The following CDK17 variants were observed in gnomAD, a reference collection of about 807,000 sequenced individuals.
CDK17 encodes cyclin-dependent kinase 17.
Under a neutral mutation model 77.6 loss-of-function variants are expected in CDK17, and 24 were observed. The ratio of observed to expected loss-of-function variants is 0.31; its 90% CI spans 0.22 to 0.44. CDK17 has a LOEUF of 0.44. CDK17 is among the 20% of genes least tolerant of loss of function. The probability of loss-of-function intolerance (pLI) is 1.00; values close to 1 mark genes in which losing one functional copy is unlikely to be tolerated. For synonymous variants in CDK17, 203 were observed against 210.4 expected, an observed-to-expected ratio of 0.96 and a Z score of 0.30; for missense variants, 429 against 622.5, an observed-to-expected ratio of 0.69 and a Z score of 3.31.
chr12:96,284,967 T>C (rs979678016), intron 13 of CDK17, among the ~76,000 whole-genome samples: 5 of 152,176 alleles, frequency 3.3e-5, no homozygotes, highest in African/African-American at 1.2e-4. Flanking sequence ...GTAACGTTTT[T>C]TTCCAAGTGC....
chr12:96,353,193 C>T (rs1205065176), intron 1 of CDK17, among the ~76,000 whole-genome samples: 1 of 152,184 alleles, frequency 6.6e-6, no homozygotes, highest in African/African-American at 2.4e-5. Flanking sequence ...CACATGAATT[C>T]CATCAGGCCA....
At chr12:96,322,219 T>G (rs557111883) in intron 3 of CDK17, among the ~76,000 whole-genome samples, 19 of 152,268 alleles carry the variant, frequency 1.2e-4, no homozygotes, top group African/African-American at 4.6e-4. Context: ...AAGAGGGATA[T>G]CTCTCTGCTG....
At position 96,363,679 on chromosome 12, in the gene CDK17, G is replaced by C. The variant is rs141274043; in HGVS notation, c.-29-28814C>G. ...TAGCTAACACAGTGAAAGCCTGTCT[G>C]TACTAAAAAAAATACAAAAAATTAG... On this transcript the variant is annotated intron_variant, in intron 1 of 16. Transcript: ENST00000261211. Among the ~76,000 whole-genome samples, 82 of 151,846 alleles carry C rather than the reference G, an allele frequency of 5.4e-4. No individual in the cohort carries two copies. The South Asian group carries it at 6.0e-3, about 11-fold the overall frequency.
At chr12:96,356,173 A>G (rs1953390245) in intron 1 of CDK17, among the ~76,000 whole-genome samples, 1 of 152,218 alleles carries the variant, frequency 6.6e-6, no homozygotes, top group Non-Finnish European at 1.5e-5. Flanking sequence ...CAAATGAGTG[A>G]AACTCCAGGA....
chr12:96,294,975 A>C, intron 10 of CDK17, 24 bp downstream of exon 10: 1 of 1,584,562 alleles, frequency 6.3e-7, no homozygotes, highest in South Asian at 1.2e-5. Context: ...GGAAGTACTA[A>C]TAAATATCTC....
Position 96,349,312 on chromosome 12 carries a change from G to A in CDK17, c.-29-14447C>T, listed in dbSNP as rs1248111282. Among the ~76,000 whole-genome samples, 3 of 152,058 alleles carry A rather than the reference G, an allele frequency of 2.0e-5. No individual in the cohort carries two copies. In the East Asian group the frequency reaches 5.8e-4, roughly 29 times the overall value. ...CTACTAAAAATACAAAATTAGCCGG[G>A]CATGGTGGCGCATGCCTGTAATCCC... On this transcript the variant is annotated intron_variant, in intron 1 of 16. Transcript: ENST00000261211.
intron 1 of CDK17, among the ~76,000 whole-genome samples, chr12:96,375,886 G>A (rs1164898716): frequency 3.9e-5 from 6 of 152,094 alleles, no homozygotes; most frequent in African/African-American, 1.2e-4. Flanking sequence ...GGGCATGTCT[G>A]ACACCTAATT....
chr12:96,289,059 C>A, intron 11 of CDK17, 108 bp downstream of exon 11: 1 of 1,175,440 alleles, frequency 8.5e-7, no homozygotes, highest in South Asian at 1.4e-5. Context: ...TACATTATGG[C>A]TCTTTAAAAT....
chr12:96,382,199 G>C (rs1953895850), intron 1 of CDK17, among the ~76,000 whole-genome samples: 1 of 151,818 alleles, frequency 6.6e-6, no homozygotes, highest in Admixed American at 6.6e-5. Context: ...AAATACAAAA[G>C]ATATTCAGCC....
intron 1 of CDK17, among the ~76,000 whole-genome samples, chr12:96,392,887 C>T (rs1193936376): frequency 6.6e-6 from 1 of 152,178 alleles, no homozygotes; most frequent in Admixed American, 6.5e-5. Context: ...ACTCAGACAA[C>T]CAACATTGCT....
At chr12:96,291,481 A>G (rs1952323930) in intron 10 of CDK17, among the ~76,000 whole-genome samples, 1 of 152,052 alleles carries the variant, frequency 6.6e-6, no homozygotes, top group African/African-American at 2.4e-5. Context: ...TTATAGAGGC[A>G]GGTTTTTGCC....
Position 96,278,933 on chromosome 12 carries a change from T to C in CDK17, c.*1309A>G, listed in dbSNP as rs1412129018. Reference sequence around the variant, plus strand: ...TACAAGATTTCCTGAACAGAAATGGTAGGACCCCTGAATGTTTTACAGTGA... The same window carrying C: ...TACAAGATTTCCTGAACAGAAATGGCAGGACCCCTGAATGTTTTACAGTGA... On this transcript the variant is annotated 3_prime_UTR_variant, in exon 17 of 17. Transcript: ENST00000261211. 1 of 152,552 alleles carries C rather than the reference T, an allele frequency of 6.6e-6. No homozygotes were observed. The highest frequency in any genetic ancestry group is 1.5e-5 in the Non-Finnish European group (1 of 67,988). 9.4% of individuals were successfully genotyped at this position (152,552 alleles called of 1,614,324 possible). A position where few individuals can be genotyped will look rare whatever the true frequency, so the allele number is the denominator to read the frequency against.
chr12:96,308,731 A>AAATAATAATAATATTAATAAT (rs1555200760), intron 5 of CDK17, among the ~76,000 whole-genome samples: 1 of 132,572 alleles, frequency 7.5e-6, no homozygotes, highest in Non-Finnish European at 1.6e-5. Flanking sequence ...CCGTCTCCAA[A>AAATAATAATAATATTAATAAT]AATAATAATA....
At chr12:96,316,997 T>C (rs1952739557) in intron 3 of CDK17, among the ~76,000 whole-genome samples, 1 of 145,502 alleles carries the variant, frequency 6.9e-6, no homozygotes, top group South Asian at 2.3e-4. Flanking sequence ...CTTCAGACGA[T>C]CAAATTACTC....
intron 1 of CDK17, among the ~76,000 whole-genome samples, chr12:96,338,204 C>T (rs1388446593): frequency 2.0e-5 from 3 of 152,130 alleles, no homozygotes; most frequent in Non-Finnish European, 2.9e-5. Context: ...GGTGAACTTC[C>T]CTGGTTGAAG....
chr12:96,314,619 T>C (rs1163845084), intron 3 of CDK17, among the ~76,000 whole-genome samples: 1 of 152,174 alleles, frequency 6.6e-6, no homozygotes, highest in East Asian at 1.9e-4. Context: ...TCTGGCCAAG[T>C]TGTATACTCA....
intron 3 of CDK17, among the ~76,000 whole-genome samples, chr12:96,315,349 T>A (rs564437070): frequency 1.3e-5 from 2 of 152,354 alleles, no homozygotes; most frequent in South Asian, 4.1e-4. Context: ...TTAATATTCA[T>A]AAGCAGTTGC....
At chr12:96,312,397 C>G (rs1952655966) in intron 4 of CDK17, among the ~76,000 whole-genome samples, 1 of 151,898 alleles carries the variant, frequency 6.6e-6, no homozygotes, top group African/African-American at 2.4e-5. Context: ...GACCCTAATA[C>G]TAAATAAAAC....
intron 1 of CDK17, among the ~76,000 whole-genome samples, chr12:96,394,912 T>C (rs377581513): frequency 2.7e-5 from 4 of 150,464 alleles, no homozygotes; most frequent in African/African-American, 9.8e-5. Context: ...AGTCTTGCTC[T>C]GTCGCCAGGC....
Sources: gnomAD v4.1 joint callset for allele counts (sites outside exome capture counted in the v4.1 genomes callset) on GRCh38, gnomAD v4.1.1 for gene constraint, MANE v1.5 for transcripts, NCBI Gene and HGNC (gene_info 2026-07-23, HGNC 2026-07-21) for gene names.